The following TAF1B variants were observed in gnomAD, a reference collection of about 807,000 sequenced individuals.
The protein encoded by TAF1B is TATA box-binding protein-associated factor RNA polymerase I subunit B.
Under a neutral mutation model 83.9 loss-of-function variants are expected in TAF1B, and 61 were observed. The observed-to-expected ratio is 0.73, with a 90% CI of 0.59 to 0.90. The LOEUF (loss-of-function observed/expected upper bound fraction) is 0.90, where lower values mean the gene tolerates loss of function less well. Among genes scored for constraint, TAF1B ranks in the 40% least tolerant of loss-of-function variants. TAF1B has a pLI of 0.00. For missense variants in TAF1B, 625 were observed against 677.0 expected (o/e 0.92, Z 0.85); for synonymous variants, 221 against 224.6 (o/e 0.98, Z 0.14).
intron 9 of TAF1B, among the ~76,000 whole-genome samples, chr2:9,908,611 G>C (rs1665421449): frequency 6.6e-6 from 1 of 152,176 alleles, no homozygotes; most frequent in South Asian, 2.1e-4. Flanking sequence ...CTTGTACCTA[G>C]TAGACACTCA....
intron 5 of TAF1B, 25 bp downstream of exon 5, chr2:9,854,446 G>C (rs761087079): frequency 6.4e-7 from 1 of 1,568,970 alleles, no homozygotes; most frequent in East Asian, 2.2e-5. Flanking sequence ...TGAAAAGTTG[G>C]ATTAAAAAAC....
intron 12 of TAF1B, among the ~76,000 whole-genome samples, chr2:9,918,699 A>G (rs1665776748): frequency 6.6e-6 from 1 of 152,274 alleles, no homozygotes; most frequent in Non-Finnish European, 1.5e-5. Flanking sequence ...GGCAATGAGG[A>G]ACAGTTGTTT....
intron 10 of TAF1B, 50 bp downstream of exon 10, chr2:9,910,963 T>C: frequency 6.6e-7 from 1 of 1,514,840 alleles, no homozygotes; most frequent in Non-Finnish European, 8.9e-7. Context: ...GTGCTGATCT[T>C]AGTTTTTTAA....
At chr2:9,905,118 G>A in intron 9 of TAF1B, 112 bp downstream of exon 9, 1 of 879,650 alleles carries the variant, frequency 1.1e-6, no homozygotes, top group South Asian at 2.4e-5. Flanking sequence ...AAGGTCCATG[G>A]TTACATGAAA....
chr2:9,911,394 TA>T (rs1665528509), intron 10 of TAF1B, 116 bp from the exon 11 acceptor site: 1 of 751,692 alleles, frequency 1.3e-6, no homozygotes, highest in African/African-American at 1.9e-5. Flanking sequence ...GCTTCTCCAT[TA>T]AAACATGGTA....
intron 8 of TAF1B, among the ~76,000 whole-genome samples, chr2:9,890,789 G>A (rs979100283): frequency 6.6e-6 from 1 of 151,508 alleles, no homozygotes; most frequent in Non-Finnish European, 1.5e-5. Context: ...TTTTTTTTGG[G>A]GACGGAGTTT....
intron 8 of TAF1B, among the ~76,000 whole-genome samples, chr2:9,888,310 GATT>G (rs944146488): frequency 1.6e-5 from 2 of 125,680 alleles, no homozygotes; most frequent in African/African-American, 5.2e-5. Context: ...AATGCATTGG[GATT>G]TTTTTTTTCT....
At chr2:9,859,527 T>C (rs1224966018) in intron 5 of TAF1B, among the ~76,000 whole-genome samples, 1 of 151,918 alleles carries the variant, frequency 6.6e-6, no homozygotes, top group Non-Finnish European at 1.5e-5. Context: ...GCTGGGACTA[T>C]AGATGCATGC....
At chr2:9,849,501 C>G in intron 3 of TAF1B, 41 bp downstream of exon 3, 1 of 1,378,480 alleles carries the variant, frequency 7.3e-7, no homozygotes, top group African/African-American at 1.5e-5. Context: ...TCTTTATTCA[C>G]ATCTTTCACC....
intron 14 of TAF1B, among the ~76,000 whole-genome samples, chr2:9,926,821 A>C (rs568814585): frequency 1.3e-5 from 2 of 151,398 alleles, no homozygotes; most frequent in African/African-American, 4.8e-5. Flanking sequence ...AAAAAAAAAA[A>C]AGAGAGATTG....
At chr2:9,918,926 C>A in intron 12 of TAF1B, 115 bp from the exon 13 acceptor site, 1 of 890,334 alleles carries the variant, frequency 1.1e-6, no homozygotes. Flanking sequence ...TGCCAGTAGG[C>A]CATTCCAAGC....
chr2:9,900,793 A>G (rs1665158368), intron 8 of TAF1B, among the ~76,000 whole-genome samples: 1 of 152,152 alleles, frequency 6.6e-6, no homozygotes, highest in Non-Finnish European at 1.5e-5. Flanking sequence ...CAGGGTAAGG[A>G]ACACTGCTGG....
intron 8 of TAF1B, among the ~76,000 whole-genome samples, chr2:9,890,935 T>A (rs1664853347): frequency 6.6e-6 from 1 of 152,096 alleles, no homozygotes; most frequent in African/African-American, 2.4e-5. Flanking sequence ...CAATCCTGGC[T>A]ACTTTTTTGT....
intron 5 of TAF1B, among the ~76,000 whole-genome samples, chr2:9,858,039 C>T (rs287996): frequency 0.19 from 29,610 of 152,112 alleles, 3,666 homozygotes; most frequent in Non-Finnish European, 0.28. Context: ...TTAACTCATT[C>T]CAGCATTAAC....
rs372659906 is a variant in TAF1B at position 9,892,897 on chromosome 2, C to G, written c.807+10092C>G. Among the ~76,000 whole-genome samples the G allele has an allele frequency of 8.5e-5, 13 of 152,246 alleles. 1 individual carries two copies. Among genetic ancestry groups the G allele is most frequent in the African/African-American group, 3.1e-4 (13 of 41,540 alleles). ...CCCACCACCAATGTACAAGAGTTCC[C>G]TTTTCTTTGCATCCTTGCCAACACT... On this transcript the variant is annotated intron_variant, in intron 8 of 14. Transcript: ENST00000263663.
At chr2:9,913,102 G>A in intron 11 of TAF1B, 57 bp from the exon 12 acceptor site, 1 of 1,386,456 alleles carries the variant, frequency 7.2e-7, no homozygotes, top group Non-Finnish European at 9.9e-7. Context: ...GATGAACAAT[G>A]TATATTATTA....
At chr2:9,896,410 C>G (rs1272727337) in intron 8 of TAF1B, among the ~76,000 whole-genome samples, 1 of 152,236 alleles carries the variant, frequency 6.6e-6, no homozygotes, top group East Asian at 1.9e-4. Flanking sequence ...TTCTTCCCCC[C>G]TTCCATGCCT....
chr2:9,882,439 G>A (rs528619721), intron 7 of TAF1B, among the ~76,000 whole-genome samples: 1 of 152,300 alleles, frequency 6.6e-6, no homozygotes, highest in South Asian at 2.1e-4. Flanking sequence ...AGGGGTACAA[G>A]CATGTGCCAC....
intron 14 of TAF1B, among the ~76,000 whole-genome samples, chr2:9,924,205 CAAA>C (rs946438586): frequency 1.3e-4 from 19 of 151,128 alleles, no homozygotes; most frequent in African/African-American, 4.7e-4. Flanking sequence ...GCAGAGGAAG[CAAA>C]AAAGGCTTCA....
Sources: allele counts gnomAD v4.1 joint callset (sites outside exome capture counted in the v4.1 genomes callset), GRCh38; gene constraint gnomAD v4.1.1; transcripts MANE v1.5; gene names NCBI Gene and HGNC (gene_info 2026-07-23, HGNC 2026-07-21).